The following MAPRE2 variants were observed in gnomAD, a reference collection of about 807,000 sequenced individuals.
MAPRE2 encodes microtubule-associated protein RP/EB family member 2.
In MAPRE2, 13 loss-of-function variants were observed where a neutral mutation model predicts 43.2. That is an observed-to-expected ratio of 0.30 (90% CI 0.20 to 0.48). The LOEUF is 0.48. MAPRE2 is among the 20% of genes least tolerant of loss of function. The pLI is 0.99. For missense variants in MAPRE2, 161 were observed against 400.2 expected, an observed-to-expected ratio of 0.40 and a Z score of 5.10; for synonymous variants, 135 against 148.8, an observed-to-expected ratio of 0.91 and a Z score of 0.68.
At chr18:34,986,724 C>G (rs577007310) in intron 1 of MAPRE2, among the ~76,000 whole-genome samples, 1 of 152,284 alleles carries the variant, frequency 6.6e-6, no homozygotes, top group South Asian at 2.1e-4. Context: ...CATCCCAGCA[C>G]CTGACCTTCA....
intron 1 of MAPRE2, among the ~76,000 whole-genome samples, chr18:35,045,609 G>GT (rs1471448776): frequency 6.6e-6 from 1 of 152,116 alleles, no homozygotes; most frequent in African/African-American, 2.4e-5. Flanking sequence ...ATGTGTGTGT[G>GT]TTTTTTTGTG....
intron 2 of MAPRE2, among the ~76,000 whole-genome samples, chr18:35,077,247 GCGCA>G (rs753351222): frequency 0.03 from 3,561 of 116,856 alleles, 81 homozygotes; most frequent in East Asian, 0.22. Flanking sequence ...GCGTGCGCGC[GCGCA>G]CACACACACA....
chr18:35,041,257 T>C (rs1421198494), upstream of MAPRE2: 5 of 1,273,832 alleles, frequency 3.9e-6, no homozygotes, highest in Non-Finnish European at 5.1e-6. Flanking sequence ...GCTGGCGTGG[T>C]CACGCCGCGA....
intron 2 of MAPRE2, among the ~76,000 whole-genome samples, chr18:35,009,234 G>A (rs1487382215): frequency 6.6e-6 from 1 of 152,058 alleles, no homozygotes; most frequent in Non-Finnish European, 1.5e-5. Flanking sequence ...GAGCCATGAA[G>A]GTGAGTTGGT....
intron 2 of MAPRE2, among the ~76,000 whole-genome samples, chr18:35,013,309 T>A (rs953153347): frequency 2.6e-4 from 39 of 152,128 alleles, no homozygotes; most frequent in Non-Finnish European, 7.4e-5. Flanking sequence ...ACCTGAGTGA[T>A]TTAAACACTG....
At chr18:35,005,699 A>G (rs1199200520) in intron 2 of MAPRE2, 1 of 468,790 alleles carries the variant, frequency 2.1e-6, no homozygotes, top group African/African-American at 2.0e-5. Context: ...CTCTTTTAAA[A>G]CACTATTTTT....
At chr18:34,985,344 T>TATTA (rs1410308079) in intron 1 of MAPRE2, among the ~76,000 whole-genome samples, 1 of 44,596 alleles carries the variant, frequency 2.2e-5, no homozygotes, top group South Asian at 6.5e-4. Context: ...ATATAATATA[T>TATTA]TATATTATAT....
intron 2 of MAPRE2, among the ~76,000 whole-genome samples, chr18:35,027,326 G>T (rs1056421284): frequency 2.0e-5 from 3 of 152,126 alleles, no homozygotes; most frequent in Non-Finnish European, 2.9e-5. Context: ...TCCAAGACTA[G>T]GTTTTAAAAC....
chr18:34,991,613 G>A (rs969559133), intron 1 of MAPRE2, among the ~76,000 whole-genome samples: 1 of 152,200 alleles, frequency 6.6e-6, no homozygotes, highest in Non-Finnish European at 1.5e-5. Flanking sequence ...CACAGCTCCA[G>A]GAGCATTGTG....
chr18:35,006,716 A>C (rs1394904562), intron 2 of MAPRE2, among the ~76,000 whole-genome samples: 1 of 152,240 alleles, frequency 6.6e-6, no homozygotes, highest in Non-Finnish European at 1.5e-5. Flanking sequence ...AATATGGAGC[A>C]CTTTTGTAGG....
intron 4 of MAPRE2, among the ~76,000 whole-genome samples, chr18:35,114,378 A>G (rs950590077): frequency 2.0e-5 from 3 of 152,224 alleles, no homozygotes; most frequent in African/African-American, 7.2e-5. Context: ...TCAAAAGTTC[A>G]AAAACATTTC....
chr18:35,056,734 T>G (rs478593), intron 1 of MAPRE2, among the ~76,000 whole-genome samples: 24,039 of 152,238 alleles, frequency 0.16, 2,096 homozygotes, highest in East Asian at 0.32. Flanking sequence ...GTAATTTCCT[T>G]TTTCTTAATT....
intron 1 of MAPRE2, among the ~76,000 whole-genome samples, chr18:34,999,499 C>T (rs2097028276): frequency 6.6e-6 from 1 of 152,032 alleles, no homozygotes; most frequent in African/African-American, 2.4e-5. Flanking sequence ...TACATTTGTA[C>T]GAAAAGAACT....
intron 2 of MAPRE2, among the ~76,000 whole-genome samples, chr18:35,080,880 C>G (rs182144090): frequency 3.3e-5 from 5 of 152,098 alleles, no homozygotes; most frequent in African/African-American, 1.2e-4. Context: ...CTGTGTTTGT[C>G]CCCTCCCTCC....
chr18:35,136,550 A>G (rs1910400128), intron 6 of MAPRE2, among the ~76,000 whole-genome samples: 1 of 152,234 alleles, frequency 6.6e-6, no homozygotes, highest in Non-Finnish European at 1.5e-5. Context: ...CACAGCGAAG[A>G]TGGCATTTGT....
intron 2 of MAPRE2, 113 bp from the exon 3 acceptor site, chr18:35,097,333 C>T: frequency 2.2e-6 from 2 of 921,102 alleles, no homozygotes; most frequent in Non-Finnish European, 3.4e-6. Context: ...AGGACACACT[C>T]TGCTCTGAGT....
Position 35,142,412 on chromosome 18 carries a change from G to C in MAPRE2, c.*2043G>C, listed in dbSNP as rs1910698846. On this transcript the variant is annotated 3_prime_UTR_variant, in exon 7 of 7. Transcript: ENST00000300249. ...TCATGTGGATGCACGTGAGTGGGTA[G>C]CAGGGAGTCAGGATCCTGCCTTCTC... is the stretch of plus-strand genomic sequence containing the variant. 6.6e-6 allele frequency: 1 copy of C among 152,242 alleles called. No homozygotes were observed. The highest frequency in any genetic ancestry group is 6.5e-5 in the Admixed American group (1 of 15,278). The allele number at this position is 152,242 out of a possible 1,614,324, so 9.4% of individuals were successfully genotyped here.
intron 1 of MAPRE2, among the ~76,000 whole-genome samples, chr18:35,066,469 T>C (rs1001777360): frequency 1.3e-5 from 2 of 152,236 alleles, no homozygotes; most frequent in Non-Finnish European, 2.9e-5. Flanking sequence ...TAATGAAATC[T>C]TAGGATTTTA....
intron 2 of MAPRE2, among the ~76,000 whole-genome samples, chr18:35,006,039 G>T (rs1280558955): frequency 6.6e-6 from 1 of 152,082 alleles, no homozygotes; most frequent in Non-Finnish European, 1.5e-5. Flanking sequence ...TTCTGTCTGG[G>T]ATTTGTCTTT....
Sources: allele counts gnomAD v4.1 joint callset (sites outside exome capture counted in the v4.1 genomes callset), GRCh38; gene constraint gnomAD v4.1.1; transcripts MANE v1.5; gene names NCBI Gene and HGNC (gene_info 2026-07-23, HGNC 2026-07-21).